CHN2: variants seen among roughly 807,000 people sequenced by gnomAD.
The protein encoded by CHN2 is chimerin 2, also known as beta-chimaerin.
In CHN2, 35 loss-of-function variants were observed where a neutral mutation model predicts 56.3. That is an observed-to-expected ratio of 0.62 (90% confidence interval 0.47 to 0.82). CHN2 has a LOEUF of 0.82. Ranked by LOEUF, CHN2 falls within the 40% of genes least tolerant of loss-of-function variation. The probability of loss-of-function intolerance (pLI) is 0.00; values close to 1 mark genes in which losing one functional copy is unlikely to be tolerated. For missense variants in CHN2, 491 were observed against 580.5 expected (o/e 0.85, Z 1.58); for synonymous variants, 210 against 212.8 (o/e 0.99, Z 0.12).
At chr7:29,337,467 T>G (rs1796714229) in intron 1 of CHN2, among the ~76,000 whole-genome samples, 1 of 152,194 alleles carries the variant, frequency 6.6e-6, no homozygotes. Context: ...GCAACACTCA[T>G]AACAGCAGAG....
At chr7:29,459,740 C>T (rs947480272) in intron 6 of CHN2, among the ~76,000 whole-genome samples, 2 of 152,168 alleles carry the variant, frequency 1.3e-5, no homozygotes, top group East Asian at 3.9e-4. Context: ...GGCTCCTTGT[C>T]TCCCCCTCTC....
At chr7:29,234,828 AG>A (rs1214258045) in intron 1 of CHN2, among the ~76,000 whole-genome samples, 3 of 152,244 alleles carry the variant, frequency 2.0e-5, no homozygotes, top group African/African-American at 7.2e-5. Flanking sequence ...AAGTAACATT[AG>A]CATGATGGTT....
chr7:29,484,798 C>G (rs1454267166), intron 7 of CHN2, among the ~76,000 whole-genome samples: 1 of 152,162 alleles, frequency 6.6e-6, no homozygotes, highest in Non-Finnish European at 1.5e-5. Context: ...GGAAGGATCT[C>G]TAGCCTCACC....
At chr7:29,350,627 C>A (rs1022920924) in intron 1 of CHN2, among the ~76,000 whole-genome samples, 6 of 152,020 alleles carry the variant, frequency 3.9e-5, no homozygotes, top group Non-Finnish European at 5.9e-5. Flanking sequence ...GATCTGGGGG[C>A]AAGAATAGAG....
At chr7:29,196,972 G>A (rs1783784452) in intron 1 of CHN2, among the ~76,000 whole-genome samples, 1 of 152,210 alleles carries the variant, frequency 6.6e-6, no homozygotes, top group Non-Finnish European at 1.5e-5. Context: ...TAGCCCATGA[G>A]TTTATACTGC....
At chr7:29,507,864 G>T (rs1403476571) in intron 11 of CHN2, among the ~76,000 whole-genome samples, 4 of 152,066 alleles carry the variant, frequency 2.6e-5, no homozygotes, top group Non-Finnish European at 4.4e-5. Context: ...TTACAAATTT[G>T]TGCTGGGCCA....
intron 1 of CHN2, among the ~76,000 whole-genome samples, chr7:29,310,425 A>G (rs1290493289): frequency 6.6e-6 from 1 of 152,244 alleles, no homozygotes; most frequent in Non-Finnish European, 1.5e-5. Context: ...AAATATAAAC[A>G]ATGGAAAATA....
At chr7:29,507,659 A>G (rs929821501) in intron 11 of CHN2, among the ~76,000 whole-genome samples, 1 of 152,190 alleles carries the variant, frequency 6.6e-6, no homozygotes, top group African/African-American at 2.4e-5. Context: ...ATATTTCTGT[A>G]GCAGAAAAAA....
chr7:29,482,090 A>AACAAGTG (rs1446960392), intron 7 of CHN2, among the ~76,000 whole-genome samples: 4 of 152,232 alleles, frequency 2.6e-5, no homozygotes, highest in African/African-American at 7.2e-5. Context: ...TTGCTAACAC[A>AACAAGTG]ATATATTACT....
At chr7:29,320,951 C>A (rs3793292) in intron 1 of CHN2, among the ~76,000 whole-genome samples, 36,492 of 152,076 alleles carry the variant, frequency 0.24, 5,387 homozygotes, top group East Asian at 0.34. Context: ...AAAATGAGGT[C>A]CAATACTAGG....
intron 6 of CHN2, among the ~76,000 whole-genome samples, chr7:29,465,684 A>G (rs1785498850): frequency 6.6e-6 from 1 of 152,236 alleles, no homozygotes; most frequent in South Asian, 2.1e-4. Context: ...TGCCATTTCT[A>G]TGACCACAGG....
intron 1 of CHN2, among the ~76,000 whole-genome samples, chr7:29,301,648 ATC>A (rs1491468729): frequency 6.6e-6 from 1 of 152,156 alleles, no homozygotes; most frequent in African/African-American, 2.4e-5. Context: ...GTTTCTTAAC[ATC>A]TCTCTGCCTC....
intron 1 of CHN2, among the ~76,000 whole-genome samples, chr7:29,228,159 T>TAC (rs142567884): frequency 1.5e-3 from 218 of 147,142 alleles, no homozygotes; most frequent in East Asian, 4.0e-3. Context: ...TATATATATA[T>TAC]ACACACACAC....
chr7:29,509,604 G>A (rs1321544042), intron 12 of CHN2, 198 bp downstream of exon 12: 1 of 441,664 alleles, frequency 2.3e-6, no homozygotes, highest in Non-Finnish European at 4.2e-6. Flanking sequence ...CAGCACTTTG[G>A]GAGGCCGAGG....
At chr7:29,165,083 T>TAA (rs35490950) in intron 2 of CHN2, among the ~76,000 whole-genome samples, 2 of 152,102 alleles carry the variant, frequency 1.3e-5, no homozygotes, top group African/African-American at 2.4e-5. Flanking sequence ...TGTCAATTTC[T>TAA]AAAAAACAAG....
intron 1 of CHN2, among the ~76,000 whole-genome samples, chr7:29,242,628 A>G (rs1018787739): frequency 6.6e-6 from 1 of 151,888 alleles, no homozygotes. Flanking sequence ...AAGTATTGCA[A>G]TTTCTCTTTG....
chr7:29,462,558 G>A (rs972865498), intron 6 of CHN2, among the ~76,000 whole-genome samples: 1 of 152,170 alleles, frequency 6.6e-6, no homozygotes, highest in Non-Finnish European at 1.5e-5. Flanking sequence ...ACACACTGAT[G>A]TTAGCTAGAT....
intron 1 of CHN2, among the ~76,000 whole-genome samples, chr7:29,263,659 G>A (rs1449225352): frequency 2.0e-5 from 3 of 150,522 alleles, no homozygotes; most frequent in African/African-American, 7.4e-5. Flanking sequence ...GGGAAGTGAG[G>A]AGCGCCTCTT....
intron 6 of CHN2, among the ~76,000 whole-genome samples, chr7:29,466,691 C>A (rs1024270973): frequency 1.3e-5 from 2 of 152,182 alleles, no homozygotes; most frequent in African/African-American, 2.4e-5. Flanking sequence ...CTGAGAGTTT[C>A]TGCAAATGTA....
Sources: gnomAD v4.1 joint callset for allele counts (sites outside exome capture counted in the v4.1 genomes callset) on GRCh38, gnomAD v4.1.1 for gene constraint, MANE v1.5 for transcripts, NCBI Gene and HGNC (gene_info 2026-07-23, HGNC 2026-07-21) for gene names.